The following HS3ST4 variants were observed in gnomAD, a reference collection of about 807,000 sequenced individuals.
The protein encoded by HS3ST4 is heparan sulfate glucosamine 3-O-sulfotransferase 4.
HS3ST4 carries 17 observed loss-of-function variants against 29.2 expected under a neutral mutation model. The ratio of observed to expected loss-of-function variants is 0.58; its 90% CI spans 0.40 to 0.87. The LOEUF is 0.87. Among genes scored for constraint, HS3ST4 ranks in the 40% least tolerant of loss-of-function variants. The pLI is 0.00. For synonymous variants in HS3ST4, 314 were observed against 285.7 expected (o/e 1.10, Z -1.00); for missense variants, 627 against 634.5 (o/e 0.99, Z 0.13).
intron 1 of HS3ST4, among the ~76,000 whole-genome samples, chr16:25,699,008 G>C (rs1966317623): frequency 6.6e-6 from 1 of 152,168 alleles, no homozygotes. Flanking sequence ...AGAGAAACTG[G>C]AAATCCAGGT....
chr16:25,784,007 T>C (rs771485342), intron 1 of HS3ST4, among the ~76,000 whole-genome samples: 1 of 152,222 alleles, frequency 6.6e-6, no homozygotes, highest in Non-Finnish European at 1.5e-5. Context: ...TTCACATCTG[T>C]GTGTCATATT....
At position 26,137,109 on chromosome 16, in the gene HS3ST4, G is replaced by T. The variant is rs533331029; in HGVS notation, c.*861G>T. 3 of 152,186 alleles carry T rather than the reference G, an allele frequency of 2.0e-5. No homozygotes were observed. The South Asian group carries it at 6.3e-4, about 32-fold the overall frequency. The allele number at this position is 152,186 out of a possible 1,614,324, so 9.4% of individuals were successfully genotyped here. ...GGCAGAGATGAGTGGCCATATCTGG[G>T]GGTAAAAGAAGAAATCCTGTCCTCT... On this transcript the variant is annotated 3_prime_UTR_variant, in exon 2 of 2. Coordinates refer to ENST00000331351, the MANE Select transcript of HS3ST4 (RefSeq NM_006040.3).
At chr16:25,747,690 C>A (rs556142874) in intron 1 of HS3ST4, among the ~76,000 whole-genome samples, 1 of 152,218 alleles carries the variant, frequency 6.6e-6, no homozygotes, top group Non-Finnish European at 1.5e-5. Flanking sequence ...TCAGTCCCTG[C>A]GCTTGTTTTC....
intron 1 of HS3ST4, among the ~76,000 whole-genome samples, chr16:26,053,461 G>C (rs112085376): frequency 0.055 from 8,346 of 152,274 alleles, 264 homozygotes; most frequent in African/African-American, 0.087. Context: ...CAGTTCCTAT[G>C]ATGATGTGTA....
rs1045018223 is a variant in HS3ST4 at position 25,963,015 on chromosome 16, C to T, written c.735-172597C>T. The stretch of plus-strand genomic sequence containing the variant: ...AGAGGAAGGTGTATTTATATCAAAA[C>T]GAAGAGAATGCCAGGGTTAAATTCT... On this transcript the variant is annotated intron_variant, in intron 1 of 1. Coordinates refer to ENST00000331351, the MANE Select transcript of HS3ST4 (RefSeq NM_006040.3). Among the ~76,000 whole-genome samples, 17 of 151,980 alleles carry T rather than the reference C, an allele frequency of 1.1e-4. No individual in the cohort carries two copies. In the East Asian group the frequency reaches 1.2e-3, roughly 10 times the overall value.
chr16:25,794,896 T>TACACACAC (rs59740575), intron 1 of HS3ST4, among the ~76,000 whole-genome samples: 1,543 of 136,486 alleles, frequency 0.011, 24 homozygotes, highest in African/African-American at 0.038. Context: ...TACTCAAGAA[T>TACACACAC]ACACACACAC....
chr16:25,699,868 A>G (rs1404474336), intron 1 of HS3ST4, among the ~76,000 whole-genome samples: 4 of 152,232 alleles, frequency 2.6e-5, no homozygotes, highest in African/African-American at 7.2e-5. Flanking sequence ...CGTGAGGATG[A>G]CACGAAATGG....
chr16:25,873,471 C>CGTTT (rs1967786523), intron 1 of HS3ST4, among the ~76,000 whole-genome samples: 2 of 90,848 alleles, frequency 2.2e-5, no homozygotes, highest in South Asian at 9.0e-4. Flanking sequence ...CCCACCCATC[C>CGTTT]ATCTATCTCT....
chr16:25,738,700 C>T (rs1172868121), intron 1 of HS3ST4, among the ~76,000 whole-genome samples: 1 of 152,122 alleles, frequency 6.6e-6, no homozygotes, highest in Non-Finnish European at 1.5e-5. Flanking sequence ...TCTCCCTGGT[C>T]ACTTATTCAC....
chr16:25,740,280 G>T (rs538298877), intron 1 of HS3ST4, among the ~76,000 whole-genome samples: 2 of 152,166 alleles, frequency 1.3e-5, no homozygotes, highest in African/African-American at 4.8e-5. Context: ...TGACTAGAGG[G>T]GATTTAAAGG....
At chr16:26,004,334 G>A (rs899188881) in intron 1 of HS3ST4, among the ~76,000 whole-genome samples, 5 of 152,120 alleles carry the variant, frequency 3.3e-5, no homozygotes, top group African/African-American at 9.7e-5. Context: ...CACCAGAACC[G>A]TGTTTTAATA....
chr16:25,920,558 T>G lies in HS3ST4; in HGVS notation c.735-215054T>G, dbSNP rs371706283. 2.0e-3 allele frequency among the ~76,000 whole-genome samples: 306 copies of G among 151,574 alleles called. 12 individuals carry two copies. The South Asian group carries it at 0.061, about 30-fold the overall frequency. On this transcript the variant is annotated intron_variant, in intron 1 of 1. Transcript: ENST00000331351. ...TTATCTGCACCTGAAATGTTTGTTC[T>G]TAAATGTCCACAAGTAGAAATCCTT... is the stretch of plus-strand genomic sequence containing the variant.
At chr16:25,723,140 C>T (rs1262753742) in intron 1 of HS3ST4, among the ~76,000 whole-genome samples, 3 of 152,174 alleles carry the variant, frequency 2.0e-5, no homozygotes, top group Non-Finnish European at 1.5e-5. Context: ...GTCCCTCCCC[C>T]ATGAGGGAAT....
At chr16:25,865,943 A>T (rs1004419844) in intron 1 of HS3ST4, among the ~76,000 whole-genome samples, 1 of 152,214 alleles carries the variant, frequency 6.6e-6, no homozygotes, top group Admixed American at 6.5e-5. Context: ...CCCCAAAAGC[A>T]TAAGCAACAA....
At chr16:25,714,728 T>C (rs566859155) in intron 1 of HS3ST4, among the ~76,000 whole-genome samples, 29 of 152,352 alleles carry the variant, frequency 1.9e-4, no homozygotes, top group African/African-American at 6.0e-4. Flanking sequence ...TTCCCTGACA[T>C]GGCAGAGAAG....
At chr16:25,754,437 A>G (rs1966742665) in intron 1 of HS3ST4, among the ~76,000 whole-genome samples, 3 of 151,466 alleles carry the variant, frequency 2.0e-5, no homozygotes, top group African/African-American at 7.3e-5. Context: ...CCACCCATCC[A>G]TCTATCCATC....
chr16:25,968,382 T>C (rs2141705201), intron 1 of HS3ST4, among the ~76,000 whole-genome samples: 1 of 152,256 alleles, frequency 6.6e-6, no homozygotes, highest in Non-Finnish European at 1.5e-5. Context: ...CTGTCATCTT[T>C]CCATGAGGCA....
In HS3ST4 at chr16:26,136,364, CCTT is replaced by C; in HGVS notation, c.*118_*120del. 2 of 980,970 alleles carry C rather than the reference CCTT, an allele frequency of 2.0e-6. No individual in the cohort carries two copies. Among genetic ancestry groups the C allele is most frequent in the Non-Finnish European group, 2.9e-6 (2 of 680,794 alleles). The allele number at this position is 980,970 out of a possible 1,614,324, so 60.8% of individuals were successfully genotyped here. A position where few individuals can be genotyped will look rare whatever the true frequency, so the allele number is the denominator to read the frequency against. On this transcript the variant is annotated 3_prime_UTR_variant, in exon 2 of 2. Transcript: ENST00000331351. ...TGGAGTGCCAAGTAGATCTCCTCCT[CCTT>C]CATGCAGCCAGGATTGCCTCCAGTG...
intron 1 of HS3ST4, among the ~76,000 whole-genome samples, chr16:25,887,146 TG>T (rs1293936823): frequency 6.6e-6 from 1 of 152,110 alleles, no homozygotes; most frequent in African/African-American, 2.4e-5. Context: ...GAGAAAAGGC[TG>T]TTCGTGAAAG....
Sources: gnomAD v4.1 joint callset for allele counts (sites outside exome capture counted in the v4.1 genomes callset) on GRCh38, gnomAD v4.1.1 for gene constraint, MANE v1.5 for transcripts, NCBI Gene and HGNC (gene_info 2026-07-23, HGNC 2026-07-21) for gene names.